The following DNAJC24 variants were observed in gnomAD, a reference collection of about 807,000 sequenced individuals.
DNAJC24 encodes the protein dnaJ homolog subfamily C member 24.
In DNAJC24, 17 loss-of-function variants were observed where a neutral mutation model predicts 18.0. The ratio of observed to expected loss-of-function variants is 0.94; its 90% confidence interval spans 0.65 to 1.42. The LOEUF (loss-of-function observed/expected upper bound fraction) is 1.42. Among genes scored for constraint, DNAJC24 ranks in the 40% most tolerant of loss-of-function variants. DNAJC24 has a pLI of 0.00. For synonymous variants in DNAJC24, 55 were observed against 57.7 expected (o/e 0.95, Z 0.21); for missense variants, 158 against 175.6 (o/e 0.90, Z 0.57).
At chr11:31,387,956 T>G (rs886933683) in intron 2 of DNAJC24, among the ~76,000 whole-genome samples, 1 of 152,066 alleles carries the variant, frequency 6.6e-6, no homozygotes, top group African/African-American at 2.4e-5. Context: ...AGCTGACAAA[T>G]GGAATTCATA....
At chr11:31,375,159 A>G (rs1179328278) in intron 2 of DNAJC24, among the ~76,000 whole-genome samples, 1 of 134,568 alleles carries the variant, frequency 7.4e-6, no homozygotes, top group Non-Finnish European at 1.7e-5. Context: ...AGCCTGGGCG[A>G]CAGAGCAAGA....
chr11:31,370,481 C>G (rs1952211994), intron 1 of DNAJC24, among the ~76,000 whole-genome samples: 1 of 151,930 alleles, frequency 6.6e-6, no homozygotes. Flanking sequence ...TAATGCTGTT[C>G]ATTAATTAAA....
chr11:31,422,035 A>G, intron 3 of DNAJC24: 1 of 407,238 alleles, frequency 2.5e-6, no homozygotes, highest in Non-Finnish European at 4.9e-6. Context: ...GAGACAATGG[A>G]GCCACAGAAT....
intron 1 of DNAJC24, 135 bp downstream of exon 1, chr11:31,370,047 T>A (rs1952197334): frequency 6.6e-6 from 1 of 152,370 alleles, no homozygotes; most frequent in Non-Finnish European, 1.5e-5. Context: ...TGTATATAGC[T>A]GTGGGAAGAG....
rs907084620 is a variant in DNAJC24, at chr11:31,373,722, T to A, written c.111+2863T>A. On this transcript the variant is annotated intron_variant, in intron 2 of 4. Transcript: ENST00000465995. ...ATCTTAATAATATTGAGTCTTTGAATCTATGAACATGTATCCTTCTCCTTA... is the reference window on the plus strand; with the variant it reads ...ATCTTAATAATATTGAGTCTTTGAAACTATGAACATGTATCCTTCTCCTTA... Among the ~76,000 whole-genome samples, 4 of 134,872 alleles carry A rather than the reference T, an allele frequency of 3.0e-5. 1 individual carries two copies. Among genetic ancestry groups the A allele is most frequent in the Non-Finnish European group, 6.9e-5 (4 of 58,306 alleles). The allele number at this position is 134,872 out of a possible 152,430, so 88.5% of individuals were successfully genotyped here. A position where few individuals can be genotyped will look rare whatever the true frequency, so the allele number is the denominator to read the frequency against.
chr11:31,432,129 T>A lies in DNAJC24; in HGVS notation c.*1728T>A, dbSNP rs982992072. Among the ~76,000 whole-genome samples the A allele has an allele frequency of 3.3e-5, 5 of 152,196 alleles. No homozygotes were observed. The highest frequency in any genetic ancestry group is 7.3e-5 in the Non-Finnish European group (5 of 68,032). ...ACCTGGCATTGTCAGGTTGAACTTA[T>A]AAATACGAATAGTTACTACTCTGAC... is the stretch of plus-strand genomic sequence containing the variant. On this transcript the variant is annotated 3_prime_UTR_variant, in exon 5 of 5. Coordinates refer to ENST00000465995, the MANE Select transcript of DNAJC24 (RefSeq NM_181706.5).
chr11:31,399,785 G>A (rs1952582797), intron 2 of DNAJC24, among the ~76,000 whole-genome samples: 1 of 127,918 alleles, frequency 7.8e-6, no homozygotes, highest in Non-Finnish European at 1.6e-5. Flanking sequence ...GGATACATAT[G>A]CAGAATGTGC....
chr11:31,399,807 A>C (rs1952582946), intron 2 of DNAJC24, among the ~76,000 whole-genome samples: 1 of 138,788 alleles, frequency 7.2e-6, no homozygotes, highest in Non-Finnish European at 1.5e-5. Flanking sequence ...GGTTTGTTAC[A>C]TAGGTATACA....
intron 2 of DNAJC24, among the ~76,000 whole-genome samples, chr11:31,389,446 A>T (rs1035563369): frequency 2.0e-5 from 3 of 152,246 alleles, no homozygotes; most frequent in African/African-American, 7.2e-5. Context: ...TAATGCAGCA[A>T]GATGATATAA....
chr11:31,382,228 C>T (rs1172822666), intron 2 of DNAJC24, among the ~76,000 whole-genome samples: 1 of 152,080 alleles, frequency 6.6e-6, no homozygotes, highest in Non-Finnish European at 1.5e-5. Context: ...AAAGTCATGG[C>T]TTTGGGCCTC....
At chr11:31,375,718 G>A (rs1462187742) in intron 2 of DNAJC24, among the ~76,000 whole-genome samples, 2 of 135,266 alleles carry the variant, frequency 1.5e-5, no homozygotes, top group Non-Finnish European at 3.4e-5. Flanking sequence ...AGGTTTGGTA[G>A]CGGAAAGTTG....
chr11:31,408,064 A>C (rs745445657), intron 2 of DNAJC24: 9 of 455,386 alleles, frequency 2.0e-5, no homozygotes, highest in South Asian at 1.4e-4. Flanking sequence ...AATATAAAAA[A>C]AATTCCGACT....
intron 2 of DNAJC24, among the ~76,000 whole-genome samples, chr11:31,373,280 G>A (rs1435026011): frequency 7.4e-6 from 1 of 134,248 alleles, no homozygotes; most frequent in Non-Finnish European, 1.7e-5. Context: ...TTCTAGAAGT[G>A]GTCATTTGCT....
chr11:31,413,834 A>AT (rs1356685637), intron 2 of DNAJC24, among the ~76,000 whole-genome samples: 1 of 152,112 alleles, frequency 6.6e-6, no homozygotes, highest in East Asian at 1.9e-4. Flanking sequence ...TTAACCCTAG[A>AT]TTTTTTCACT....
chr11:31,387,408 G>A (rs1337669869), intron 2 of DNAJC24, among the ~76,000 whole-genome samples: 1 of 152,156 alleles, frequency 6.6e-6, no homozygotes, highest in African/African-American at 2.4e-5. Context: ...CACAGAGAGA[G>A]AGAGACTGTA....
intron 2 of DNAJC24, among the ~76,000 whole-genome samples, chr11:31,397,847 C>T (rs905165961): frequency 6.6e-6 from 1 of 150,778 alleles, no homozygotes; most frequent in African/African-American, 2.4e-5. Flanking sequence ...GAGTCTTGCT[C>T]TGTTGCCCAG....
intron 2 of DNAJC24, among the ~76,000 whole-genome samples, chr11:31,414,292 C>T (rs1015192740): frequency 6.6e-6 from 1 of 152,080 alleles, no homozygotes; most frequent in African/African-American, 2.4e-5. Context: ...TTATAATCTT[C>T]AGGGCTGGGG....
At chr11:31,416,776 G>A (rs1952754817) in intron 3 of DNAJC24, 1 of 152,138 alleles carries the variant, frequency 6.6e-6, no homozygotes, top group East Asian at 1.9e-4. Context: ...CAGGTTAAAA[G>A]TTAGCAGAGA....
chr11:31,375,733 G>A (rs200183086), intron 2 of DNAJC24, among the ~76,000 whole-genome samples: 2 of 135,230 alleles, frequency 1.5e-5, no homozygotes, highest in East Asian at 3.9e-4. Context: ...AAGTTGATGA[G>A]CTCTCATTTG....
Sources: allele counts gnomAD v4.1 joint callset (sites outside exome capture counted in the v4.1 genomes callset), GRCh38; gene constraint gnomAD v4.1.1; transcripts MANE v1.5; gene names NCBI Gene and HGNC (gene_info 2026-07-23, HGNC 2026-07-21).